The following TRHDE variants were observed in gnomAD, a reference collection of about 807,000 sequenced individuals.
The protein encoded by TRHDE is thyrotropin-releasing hormone-degrading ectoenzyme.
In TRHDE, 72 loss-of-function variants were observed where a neutral mutation model predicts 125.7. The ratio of observed to expected loss-of-function variants is 0.57; its 90% CI spans 0.47 to 0.70. The LOEUF (loss-of-function observed/expected upper bound fraction) is 0.70. Among genes scored for constraint, TRHDE ranks in the 30% least tolerant of loss-of-function variants. TRHDE has a pLI of 0.00. For synonymous variants in TRHDE, 509 were observed against 509.1 expected (o/e 1.00, Z 0.00); for missense variants, 1,110 against 1,327.1 (o/e 0.84, Z 2.54).
At chr12:72,370,836 C>T (rs973997242) in intron 2 of TRHDE, among the ~76,000 whole-genome samples, 3 of 151,846 alleles carry the variant, frequency 2.0e-5, no homozygotes, top group Admixed American at 1.3e-4. Context: ...TCTGCCTGCA[C>T]CGTTCAAGCA....
intron 2 of TRHDE, among the ~76,000 whole-genome samples, chr12:72,357,527 C>T (rs907256391): frequency 6.6e-6 from 1 of 151,490 alleles, no homozygotes; most frequent in Admixed American, 6.6e-5. Context: ...CATGTTGTGA[C>T]AAATGGCAGG....
intron 2 of TRHDE, among the ~76,000 whole-genome samples, chr12:72,163,870 G>T (rs530936703): frequency 4.6e-5 from 7 of 152,324 alleles, no homozygotes; most frequent in Non-Finnish European, 1.0e-4. Context: ...CCAGCACTTT[G>T]GGAGGCCGAG....
intron 2 of TRHDE, among the ~76,000 whole-genome samples, chr12:72,195,210 G>A (rs527770124): frequency 2.9e-4 from 44 of 152,028 alleles, no homozygotes; most frequent in African/African-American, 1.0e-3. Flanking sequence ...TCCATCCCAC[G>A]ACACGCGGGG....
chr12:72,141,476 T>G (rs2139314525), intron 2 of TRHDE, among the ~76,000 whole-genome samples: 1 of 152,310 alleles, frequency 6.6e-6, no homozygotes, highest in South Asian at 2.1e-4. Flanking sequence ...GACAATGCTC[T>G]TAAAGTCTCA....
chr12:72,457,811 G>C (rs966574540), intron 3 of TRHDE, among the ~76,000 whole-genome samples: 1 of 152,116 alleles, frequency 6.6e-6, no homozygotes, highest in Non-Finnish European at 1.5e-5. Flanking sequence ...TACTCACACT[G>C]TCTAAAGTAC....
At chr12:72,356,668 G>C (rs1402491530) in intron 2 of TRHDE, among the ~76,000 whole-genome samples, 2 of 151,552 alleles carry the variant, frequency 1.3e-5, no homozygotes, top group African/African-American at 4.8e-5. Flanking sequence ...TAGGATTGTA[G>C]TGGATGCGGA....
chr12:72,533,723 G>GTTTTTTTTTTTTTTTTTCTTTT, intron 6 of TRHDE, among the ~76,000 whole-genome samples: 1 of 97,898 alleles, frequency 1.0e-5, no homozygotes. Context: ...TTTTCTATTT[G>GTTTTTTTTTTTTTTTTTCTTTT]TTTTTTTTTT....
intron 2 of TRHDE, among the ~76,000 whole-genome samples, chr12:72,224,182 C>T (rs148603323): frequency 7.1e-6 from 1 of 141,334 alleles, no homozygotes; most frequent in African/African-American, 2.6e-5. Context: ...ATCTATCTAT[C>T]TATCTATCTA....
intron 15 of TRHDE, among the ~76,000 whole-genome samples, chr12:72,635,422 G>T (rs935532906): frequency 1.3e-5 from 2 of 151,740 alleles, no homozygotes. Context: ...AGATGAGTAG[G>T]TTGCGAAAAT....
intron 6 of TRHDE, among the ~76,000 whole-genome samples, chr12:72,519,731 A>C (rs1276447311): frequency 2.0e-5 from 3 of 151,964 alleles, no homozygotes; most frequent in Non-Finnish European, 4.4e-5. Context: ...TGCTTTTTAG[A>C]GTTTCCAGTT....
Position 72,523,315 on chromosome 12 carries a change from G to T in TRHDE, c.1723-18976G>T, listed in dbSNP as rs184458631. On this transcript the variant is annotated intron_variant, in intron 6 of 18. Transcript: ENST00000261180. ...GGGTGTTTATTTCTTCTAGGCTCCT[G>T]TTAGTAGCAACTGTCAATATTTCTT... Among the ~76,000 whole-genome samples the T allele has an allele frequency of 8.1e-4, 123 of 152,118 alleles. 4 individuals carry two copies. The highest frequency in any genetic ancestry group is 5.8e-3 in the South Asian group (28 of 4,822).
intron 2 of TRHDE, among the ~76,000 whole-genome samples, chr12:72,249,798 C>G (rs945548276): frequency 6.6e-6 from 1 of 152,002 alleles, no homozygotes; most frequent in South Asian, 2.1e-4. Context: ...TAGTTATTTA[C>G]CCAAGAGAAA....
In TRHDE at chr12:72,669,273, A is replaced by G. The variant is rs1022061589; in HGVS notation, c.*6078A>G. On this transcript the variant is annotated 3_prime_UTR_variant, in exon 19 of 19. Transcript: ENST00000261180. ...TTTCCTTTTGCTTAGCAGTGAGGTC[A>G]GAGAAGTATCTCTGTCATTCTGCTT... is the stretch of plus-strand genomic sequence containing the variant. 3 of 151,870 alleles carry G rather than the reference A, an allele frequency of 2.0e-5. No individual in the cohort carries two copies. Among genetic ancestry groups the G allele is most frequent in the Admixed American group, 2.0e-4 (3 of 15,200 alleles). The allele number at this position is 151,870 out of a possible 1,614,324, so 9.4% of individuals were successfully genotyped here.
At chr12:72,199,691 G>A (rs1297115337) in intron 2 of TRHDE, among the ~76,000 whole-genome samples, 2 of 152,188 alleles carry the variant, frequency 1.3e-5, no homozygotes, top group Non-Finnish European at 1.5e-5. Flanking sequence ...AAACTAGTAT[G>A]CCACTCCAGC....
chr12:72,473,923 T>G (rs1876766984), intron 5 of TRHDE, among the ~76,000 whole-genome samples: 1 of 152,056 alleles, frequency 6.6e-6, no homozygotes. Context: ...TACTATTAAA[T>G]TAAGTAAAAA....
At chr12:72,466,696 T>C (rs1437872690) in intron 3 of TRHDE, among the ~76,000 whole-genome samples, 1 of 152,168 alleles carries the variant, frequency 6.6e-6, no homozygotes, top group Non-Finnish European at 1.5e-5. Flanking sequence ...CTTAGGGCCT[T>C]TGCATTTGTT....
rs534096190 is a variant in TRHDE at position 72,441,747 on chromosome 12, A to G, written c.1316-28011A>G. 3.9e-5 allele frequency among the ~76,000 whole-genome samples: 6 copies of G among 152,034 alleles called. 1 individual carries two copies. The South Asian group carries it at 1.0e-3, about 26-fold the overall frequency. On this transcript the variant is annotated intron_variant, in intron 3 of 18. Transcript: ENST00000261180. ...GGCCAAATACATCACATGCATATTG[A>G]ATTTTGATGATTTCAAAATCCAAAG...
intron 12 of TRHDE, among the ~76,000 whole-genome samples, chr12:72,589,542 C>T (rs1871582528): frequency 6.6e-6 from 1 of 152,056 alleles, no homozygotes; most frequent in Non-Finnish European, 1.5e-5. Context: ...GGGTGTGATG[C>T]CATGTGAGCC....
intron 4 of TRHDE, among the ~76,000 whole-genome samples, chr12:72,470,493 T>C (rs540382024): frequency 1.3e-5 from 2 of 152,348 alleles, no homozygotes; most frequent in Admixed American, 1.3e-4. Context: ...TAAAATTAAT[T>C]TCATTTTGAT....
Sources: allele counts gnomAD v4.1 joint callset (sites outside exome capture counted in the v4.1 genomes callset), GRCh38; gene constraint gnomAD v4.1.1; transcripts MANE v1.5; gene names NCBI Gene and HGNC (gene_info 2026-07-23, HGNC 2026-07-21).